The following PBX1 variants were observed in gnomAD, a reference collection of about 807,000 sequenced individuals.
PBX1 encodes the protein pre-B-cell leukemia transcription factor 1.
Under a neutral mutation model 53.4 loss-of-function variants are expected in PBX1, and 6 were observed. The observed-to-expected ratio is 0.11, with a 90% CI of 0.06 to 0.22. PBX1 has a LOEUF of 0.22. Among genes scored for constraint, PBX1 ranks in the 10% least tolerant of loss-of-function variants. The pLI is 1.00. For missense variants in PBX1, 251 were observed against 551.4 expected, an observed-to-expected ratio of 0.46 and a Z score of 5.46; for synonymous variants, 204 against 212.3, an observed-to-expected ratio of 0.96 and a Z score of 0.34.
chr1:164,647,616 A>T (rs2101913599), intron 2 of PBX1, among the ~76,000 whole-genome samples: 1 of 152,060 alleles, frequency 6.6e-6, no homozygotes, highest in South Asian at 2.1e-4. Flanking sequence ...TCATCATAAA[A>T]TTTTTTTTAA....
At chr1:164,791,273 T>C (rs1397452279) in intron 2 of PBX1, among the ~76,000 whole-genome samples, 4 of 152,240 alleles carry the variant, frequency 2.6e-5, no homozygotes. Flanking sequence ...ACTAAATCAC[T>C]GGATCTCCTT....
At chr1:164,885,044 C>G (rs1047222614) in intron 2 of PBX1, among the ~76,000 whole-genome samples, 1 of 152,148 alleles carries the variant, frequency 6.6e-6, no homozygotes, top group African/African-American at 2.4e-5. Context: ...AGGTGCTGTA[C>G]AAGTACTAAT....
At chr1:164,879,599 A>G (rs1045540871) in intron 2 of PBX1, among the ~76,000 whole-genome samples, 1 of 152,184 alleles carries the variant, frequency 6.6e-6, no homozygotes, top group Non-Finnish European at 1.5e-5. Flanking sequence ...AGATCAGCAT[A>G]TAGGACACAG....
intron 2 of PBX1, chr1:164,605,159 G>C (rs1053328340): frequency 6.6e-6 from 1 of 152,128 alleles, no homozygotes; most frequent in Admixed American, 6.5e-5. Flanking sequence ...GTCTTGGTGA[G>C]GATGACGCAG....
intron 2 of PBX1, among the ~76,000 whole-genome samples, chr1:164,747,372 A>G (rs890719279): frequency 1.3e-5 from 2 of 152,184 alleles, no homozygotes; most frequent in African/African-American, 4.8e-5. Flanking sequence ...TTTTATATAC[A>G]TACATATTTC....
intron 4 of PBX1, among the ~76,000 whole-genome samples, chr1:164,803,073 G>A (rs1391806349): frequency 2.0e-5 from 3 of 152,126 alleles, no homozygotes; most frequent in Non-Finnish European, 4.4e-5. Context: ...CAAGAAAGAG[G>A]AAAGGACATC....
intron 2 of PBX1, among the ~76,000 whole-genome samples, chr1:164,637,278 G>A (rs755043375): frequency 1.2e-4 from 18 of 152,184 alleles, no homozygotes; most frequent in Non-Finnish European, 2.4e-4. Context: ...AGGCAGAGCC[G>A]AACTCTATAT....
chr1:164,770,808 A>G (rs1361245736), intron 2 of PBX1: 5 of 152,174 alleles, frequency 3.3e-5, no homozygotes, highest in African/African-American at 1.2e-4. Flanking sequence ...ACATGCAAAG[A>G]AGAGGGTGAA....
intron 7 of PBX1, among the ~76,000 whole-genome samples, chr1:164,820,525 C>T (rs1670100291): frequency 6.6e-6 from 1 of 152,132 alleles, no homozygotes; most frequent in South Asian, 2.1e-4. Context: ...ACCTCAATTT[C>T]CAGGTCTCCC....
intron 2 of PBX1, among the ~76,000 whole-genome samples, chr1:164,745,678 C>G (rs962828735): frequency 6.6e-6 from 1 of 152,180 alleles, no homozygotes; most frequent in African/African-American, 2.4e-5. Context: ...GCTAAAGCTT[C>G]TAAGCATTTT....
chr1:164,731,867 G>T (rs944010575), intron 2 of PBX1, among the ~76,000 whole-genome samples: 1 of 152,138 alleles, frequency 6.6e-6, no homozygotes, highest in Non-Finnish European at 1.5e-5. Context: ...TCTATGTATC[G>T]CCTGGGCCCC....
chr1:164,638,878 C>T (rs964366017), intron 2 of PBX1, among the ~76,000 whole-genome samples: 2 of 152,138 alleles, frequency 1.3e-5, no homozygotes, highest in Admixed American at 6.5e-5. Flanking sequence ...GCGTTTGGAA[C>T]GGAATGCTTA....
At chr1:164,577,010 T>C (rs1310771520) in intron 2 of PBX1, 1 of 152,104 alleles carries the variant, frequency 6.6e-6, no homozygotes, top group Non-Finnish European at 1.5e-5. Flanking sequence ...CGTGGGTGAG[T>C]GTGTGTATGT....
chr1:164,655,561 C>T (rs559915077), intron 2 of PBX1, among the ~76,000 whole-genome samples: 2 of 152,102 alleles, frequency 1.3e-5, no homozygotes, highest in Admixed American at 1.3e-4. Flanking sequence ...AGGATGACCA[C>T]CATTTCTTGT....
intron 2 of PBX1, among the ~76,000 whole-genome samples, chr1:164,569,843 C>T (rs1571237201): frequency 6.6e-6 from 1 of 152,054 alleles, no homozygotes; most frequent in Admixed American, 6.5e-5. Context: ...CAGCCGTAAG[C>T]CACCATGCCT....
At position 164,826,638 on chromosome 1, in the gene PBX1, C is replaced by G. The variant is rs113555883; in HGVS notation, c.1200+5012C>G. Among the ~76,000 whole-genome samples the G allele has an allele frequency of 9.6e-3, 1,455 of 152,262 alleles. 31 individuals are homozygous for G. The highest frequency in any genetic ancestry group is 0.033 in the African/African-American group (1,366 of 41,532). ...CAGGCTGGTCTCAAACTCCTGACCT[C>G]AAGTGATCCTCCTGCCTCAGCCTCA... On this transcript the variant is annotated intron_variant, in intron 8 of 8. Coordinates refer to ENST00000420696, the MANE Select transcript of PBX1 (RefSeq NM_002585.4).
chr1:164,651,438 G>C (rs1470560766), intron 2 of PBX1, among the ~76,000 whole-genome samples: 1 of 151,962 alleles, frequency 6.6e-6, no homozygotes, highest in Non-Finnish European at 1.5e-5. Flanking sequence ...CCTACCCTCC[G>C]ATGTCATTAA....
At chr1:164,831,374 T>C (rs560392915) in intron 8 of PBX1, 2 of 135,806 alleles carry the variant, frequency 1.5e-5, no homozygotes, top group African/African-American at 7.0e-5. Flanking sequence ...ATCCATTCTC[T>C]TGAAGGTTTT....
intron 2 of PBX1, among the ~76,000 whole-genome samples, chr1:164,649,368 G>A (rs945801194): frequency 2.0e-5 from 3 of 152,102 alleles, no homozygotes; most frequent in African/African-American, 7.2e-5. Flanking sequence ...ATGCCATATA[G>A]GGAAGGAAAG....
Sources: gnomAD v4.1 joint callset for allele counts (sites outside exome capture counted in the v4.1 genomes callset) on GRCh38, gnomAD v4.1.1 for gene constraint, MANE v1.5 for transcripts, NCBI Gene and HGNC (gene_info 2026-07-23, HGNC 2026-07-21) for gene names.